Variants in LGR6 observed in about 807,000 individuals in gnomAD.
LGR6 encodes leucine-rich repeat-containing G protein-coupled receptor 6.
Under a neutral mutation model 69.4 loss-of-function variants are expected in LGR6, and 45 were observed. The observed-to-expected ratio is 0.65, with a 90% confidence interval of 0.51 to 0.83. The LOEUF is 0.83. LGR6 is among the 40% of genes least tolerant of loss of function. The pLI is 0.00. For missense variants in LGR6, 1,108 were observed against 1,246.7 expected (o/e 0.89, Z 1.68); for synonymous variants, 538 against 555.0 (o/e 0.97, Z 0.43).
intron 1 of LGR6, among the ~76,000 whole-genome samples, chr1:202,219,961 T>C (rs1660038978): frequency 6.6e-6 from 1 of 151,700 alleles, no homozygotes; most frequent in Non-Finnish European, 1.5e-5. Flanking sequence ...CTGCAACCTC[T>C]TCATCCTCCC....
chr1:202,200,173 T>C (rs1430032998), intron 1 of LGR6, among the ~76,000 whole-genome samples: 1 of 152,180 alleles, frequency 6.6e-6, no homozygotes, highest in Non-Finnish European at 1.5e-5. Context: ...GAGGAAGTGA[T>C]CCTTCTCCCA....
intron 4 of LGR6, among the ~76,000 whole-genome samples, chr1:202,250,948 C>T (rs1321968820): frequency 6.6e-6 from 1 of 152,200 alleles, no homozygotes; most frequent in Non-Finnish European, 1.5e-5. Context: ...CCCCCTTCCT[C>T]TACATTCTTC....
chr1:202,229,788 C>T (rs1660862514), intron 3 of LGR6, among the ~76,000 whole-genome samples: 1 of 152,192 alleles, frequency 6.6e-6, no homozygotes, highest in Admixed American at 6.5e-5. Flanking sequence ...CCTCAAAGAT[C>T]ACCTGGTCCC....
chr1:202,201,717 TG>T (rs1034656835), intron 1 of LGR6, among the ~76,000 whole-genome samples: 3 of 152,206 alleles, frequency 2.0e-5, no homozygotes, highest in African/African-American at 4.8e-5. Context: ...CCTGTCTTTC[TG>T]GGGGAAGGAT....
chr1:202,305,659 G>A (rs370111685), intron 11 of LGR6, 25 bp from the exon 12 acceptor site: 4 of 1,609,668 alleles, frequency 2.5e-6, no homozygotes, highest in Non-Finnish European at 3.4e-6. Context: ...TTTCACCCCA[G>A]CCCTGGCCTT....
chr1:202,298,915 G>A (rs1667372973), intron 7 of LGR6, among the ~76,000 whole-genome samples: 1 of 151,924 alleles, frequency 6.6e-6, no homozygotes, highest in African/African-American at 2.4e-5. Context: ...GAAGTTTGAA[G>A]GTGTGAATGC....
rs1654456226 is a variant in LGR6 at position 202,319,407 on chromosome 1, C to T, written c.*200C>T. 5.3e-6 allele frequency: 3 copies of T among 563,296 alleles called. No individual in the cohort carries two copies. The highest frequency in any genetic ancestry group is 3.6e-5 in the Admixed American group (1 of 28,024). The allele number at this position is 563,296 out of a possible 1,614,324, so 34.9% of individuals were successfully genotyped here. On this transcript the variant is annotated 3_prime_UTR_variant, in exon 18 of 18. Transcript: ENST00000367278. Reference sequence around the variant, plus strand: ...CCTCTTGGCCTGGCTTTCCCTTGGCCTTCCTCAGCTTCACCTTGATACTGG... The same window carrying T: ...CCTCTTGGCCTGGCTTTCCCTTGGCTTTCCTCAGCTTCACCTTGATACTGG...
intron 6 of LGR6, among the ~76,000 whole-genome samples, chr1:202,286,522 C>T (rs1466165409): frequency 6.6e-6 from 1 of 152,106 alleles, no homozygotes; most frequent in African/African-American, 2.4e-5. Context: ...ATGACTTGCC[C>T]AAGGACACCC....
At chr1:202,222,468 G>C (rs1660227541) in intron 1 of LGR6, among the ~76,000 whole-genome samples, 1 of 152,158 alleles carries the variant, frequency 6.6e-6, no homozygotes, top group African/African-American at 2.4e-5. Flanking sequence ...CCCGGCCCCT[G>C]GGGGGACAGC....
At chr1:202,210,668 A>G (rs1659430116) in intron 1 of LGR6, 1 of 152,218 alleles carries the variant, frequency 6.6e-6, no homozygotes, top group Admixed American at 6.5e-5. Context: ...AGAGTGAGAC[A>G]TCTGTTCTAT....
chr1:202,294,598 A>G (rs1667015288), intron 6 of LGR6, among the ~76,000 whole-genome samples: 1 of 152,188 alleles, frequency 6.6e-6, no homozygotes, highest in Non-Finnish European at 1.5e-5. Flanking sequence ...TCATCATTCA[A>G]GAGTCTAGTC....
Position 202,196,445 on chromosome 1 carries a change from A to G in LGR6, c.212+2244A>G, listed in dbSNP as rs561040455. 5.3e-5 allele frequency among the ~76,000 whole-genome samples: 8 copies of G among 152,234 alleles called. 1 individual carries two copies. In the South Asian group the frequency reaches 1.5e-3, roughly 28 times the overall value. ...GAGATGTCCAGCTTGGCCCTGCCCC[A>G]TGTATCCCAGCCCTTGCTGAGGAGA... On this transcript the variant is annotated intron_variant, in intron 1 of 17. Coordinates refer to ENST00000367278, the MANE Select transcript of LGR6 (RefSeq NM_001017403.2).
chr1:202,285,164 C>G (rs1403142752), intron 6 of LGR6, among the ~76,000 whole-genome samples: 3 of 152,216 alleles, frequency 2.0e-5, no homozygotes, highest in African/African-American at 4.8e-5. Context: ...TCTGTTTCCA[C>G]AGAACATTTT....
chr1:202,255,302 T>G (rs1332765859), intron 4 of LGR6, among the ~76,000 whole-genome samples: 2 of 152,196 alleles, frequency 1.3e-5, no homozygotes, highest in Non-Finnish European at 2.9e-5. Flanking sequence ...AGGAGATCAC[T>G]TCAGGAGGGG....
rs1053377183 is a variant in LGR6 at position 202,193,929 on chromosome 1, C to G, written c.-61C>G. ...CGCCGGGACCGGGAGGAAGCAGCTG[C>G]GGCCATCGCGCCGTGCGTCCGCGCC... On this transcript the variant is annotated 5_prime_UTR_variant, in exon 1 of 18. Coordinates refer to ENST00000367278, the MANE Select transcript of LGR6 (RefSeq NM_001017403.2). The G allele has an allele frequency of 1.8e-6, 2 of 1,086,694 alleles. No individual in the cohort carries two copies. The highest frequency in any genetic ancestry group is 2.4e-6 in the Non-Finnish European group (2 of 845,988). 67.3% of individuals were successfully genotyped at this position (1,086,694 alleles called of 1,614,324 possible). A position where few individuals can be genotyped will look rare whatever the true frequency, so the allele number is the denominator to read the frequency against.
At position 202,318,099 on chromosome 1, in the gene LGR6, T is replaced by C. The variant is rs1654297823; in HGVS notation, c.1796T>C (p.Phe599Ser). 3 of 1,614,050 alleles carry C rather than the reference T, an allele frequency of 1.9e-6. No homozygotes were observed. The highest frequency in any genetic ancestry group is 1.7e-5 in the Admixed American group (1 of 60,012). ...CCTGTCCCCCTGCCCCCGGTCAAGTTTGTGGTAGGTGCGATTGCAGGCGCC... is the reference window on the plus strand; with the variant it reads ...CCTGTCCCCCTGCCCCCGGTCAAGTCTGTGGTAGGTGCGATTGCAGGCGCC... ...GGPVPLPPVK[F>S]VVGAIAGANT... The change falls in exon 18 of 18, where the codon TTT becomes TCT. Residue 599 changes from phenylalanine to serine, a missense_variant. Physicochemically the swap from Phe to Ser is radical, Grantham distance 155. Coordinates refer to ENST00000367278, the MANE Select transcript of LGR6 (RefSeq NM_001017403.2).
intron 4 of LGR6, 140 bp from the exon 5 acceptor site, chr1:202,276,166 G>C (rs1665533149): frequency 1.5e-6 from 1 of 654,878 alleles, no homozygotes; most frequent in Admixed American, 2.6e-5. Context: ...CGGGATACAG[G>C]ATACATGGTG....
chr1:202,254,126 T>C (rs1184402740), intron 4 of LGR6, among the ~76,000 whole-genome samples: 1 of 152,256 alleles, frequency 6.6e-6, no homozygotes, highest in African/African-American at 2.4e-5. Context: ...TTTTGTATTT[T>C]TAGTAGAAAC....
At chr1:202,314,995 C>T in intron 17 of LGR6, 113 bp downstream of exon 17, 1 of 741,284 alleles carries the variant, frequency 1.3e-6, no homozygotes, top group South Asian at 1.6e-5. Context: ...CTTTGCCTGA[C>T]TCCCAGCCTG....
Sources: gnomAD v4.1 joint callset for allele counts (sites outside exome capture counted in the v4.1 genomes callset) on GRCh38, gnomAD v4.1.1 for gene constraint, MANE v1.5 for transcripts, NCBI Gene and HGNC (gene_info 2026-07-23, HGNC 2026-07-21) for gene names.